Variants in PRCD observed in about 807,000 individuals in gnomAD.
PRCD encodes photoreceptor disc component, also known as photoreceptor disk component PRCD.
A neutral mutation model predicts 10.1 loss-of-function variants in PRCD; 12 were observed. The ratio of observed to expected loss-of-function variants is 1.18; its 90% CI spans 0.76 to 1.92. The LOEUF (loss-of-function observed/expected upper bound fraction) is 1.92. Among genes scored for constraint, PRCD ranks in the 40% most tolerant of loss-of-function variants. PRCD has a pLI of 0.00. For missense variants in PRCD, 61 were observed against 72.2 expected (o/e 0.84, Z 0.56); for synonymous variants, 31 against 26.2 (o/e 1.18, Z -0.56).
intron 1 of PRCD, among the ~76,000 whole-genome samples, chr17:76,552,566 T>A (rs12941765): frequency 0.97 from 148,126 of 151,966 alleles, 72,315 homozygotes; most frequent in Middle Eastern, 1. Flanking sequence ...TCCTGCATTT[T>A]AGAATATGAA....
At chr17:76,552,873 A>T (rs1282078337) in intron 1 of PRCD, 14 of 125,648 alleles carry the variant, frequency 1.1e-4, no homozygotes, top group African/African-American at 4.9e-4. Context: ...TCAAAAAAAA[A>T]AAAAAAAAAT....
rs1297716240 is a variant in PRCD at position 76,531,452 on chromosome 17, G to A, written n.45+3619G>A. 6.2e-7 allele frequency: 1 copy of A among 1,600,758 alleles called. No individual in the cohort carries two copies. Among genetic ancestry groups the A allele is most frequent in the Non-Finnish European group, 8.6e-7 (1 of 1,168,808 alleles). On this transcript the variant is annotated intron_variant and non_coding_transcript_variant, in intron 1 of 4. Coordinates refer to the PRCD transcript ENST00000397633. This position sits in a 1 kb window ranked among gnomAD's most constrained non-coding sequence, Gnocchi z 7.4. ...GGTGGGGGCTCTGCAGCAGATGGGG[G>A]CGCATACCTTGAAGTACACCGGTTC...
At position 76,533,508 on chromosome 17, in the gene PRCD, T is replaced by C. The variant is rs573403461; in HGVS notation, n.45+5675T>C. On this transcript the variant is annotated intron_variant and non_coding_transcript_variant, in intron 1 of 4. Coordinates refer to the PRCD transcript ENST00000397633. This position sits in a 1 kb window ranked among gnomAD's most constrained non-coding sequence, Gnocchi z 4.5. ...ACGAGGCCGAGGCGGGTGGATTGCT[T>C]GAGCTCAGGCATTTGAGACCAGCCT... is the stretch of plus-strand genomic sequence containing the variant. Among the ~76,000 whole-genome samples the C allele has an allele frequency of 3.7e-3, 571 of 152,306 alleles. 4 individuals are homozygous for C. The highest frequency in any genetic ancestry group is 0.024 in the Middle Eastern group (7 of 294).
At chr17:76,537,236 T>G (rs1015234974), upstream of PRCD, among the ~76,000 whole-genome samples, 3 of 152,108 alleles carry the variant, frequency 2.0e-5, no homozygotes, top group Admixed American at 2.0e-4. Flanking sequence ...CCAGGCTTCG[T>G]TCACCCCAAG....
intron 1 of PRCD, among the ~76,000 whole-genome samples, chr17:76,532,469 C>T (rs1307709005): frequency 6.6e-6 from 1 of 151,894 alleles, no homozygotes; most frequent in African/African-American, 2.4e-5. Flanking sequence ...TCCCAAGGCT[C>T]TCACGCACCC....
Position 76,530,827 on chromosome 17 carries a change from C to G in PRCD, n.45+2994C>G. 1 of 785,252 alleles carries G rather than the reference C, an allele frequency of 1.3e-6. No homozygotes were observed. Among genetic ancestry groups the G allele is most frequent in the South Asian group, 2.2e-5 (1 of 45,662 alleles). The allele number at this position is 785,252 out of a possible 1,614,324, so 48.6% of individuals were successfully genotyped here. Reference sequence around the variant, plus strand: ...ATCTTGAAGGCCTTTCCTATTATGCCTGTTCTTACATGTCAGACCCCAGGG... The same window carrying G: ...ATCTTGAAGGCCTTTCCTATTATGCGTGTTCTTACATGTCAGACCCCAGGG... On this transcript the variant is annotated intron_variant and non_coding_transcript_variant, in intron 1 of 4. Coordinates refer to the PRCD transcript ENST00000397633. This position sits in a 1 kb window ranked among gnomAD's most constrained non-coding sequence, Gnocchi z 6.1.
At position 76,531,443 on chromosome 17, in the gene PRCD, C is replaced by T. The variant is rs2074841938; in HGVS notation, n.45+3610C>T. 6.3e-7 allele frequency: 1 copy of T among 1,595,252 alleles called. No homozygotes were observed. The highest frequency in any genetic ancestry group is 1.3e-5 in the African/African-American group (1 of 74,610). On this transcript the variant is annotated intron_variant and non_coding_transcript_variant, in intron 1 of 4. Transcript: ENST00000397633. The surrounding 1 kb of genome is among the most constrained non-coding windows in gnomAD (Gnocchi z 7.4). ...CGCGTGGGCGGTGGGGGCTCTGCAG[C>T]AGATGGGGGCGCATACCTTGAAGTA... is the stretch of plus-strand genomic sequence containing the variant.
In PRCD at chr17:76,544,467, G is replaced by T. The variant is rs2075030854; in HGVS notation, c.*817G>T. 2 of 455,386 alleles carry T rather than the reference G, an allele frequency of 4.4e-6. No homozygotes were observed. Among genetic ancestry groups the T allele is most frequent in the South Asian group, 3.1e-5 (2 of 64,514 alleles). The allele number at this position is 455,386 out of a possible 1,614,324, so 28.2% of individuals were successfully genotyped here. A position where few individuals can be genotyped will look rare whatever the true frequency, so the allele number is the denominator to read the frequency against. On this transcript the variant is annotated 3_prime_UTR_variant, in exon 5 of 5. Transcript: ENST00000592014. ...GGGGAGGGCCTGCTGGTACCTCGGG[G>T]AGCCTGGCTGGGGTGTGTGCGAAGG...
In PRCD at chr17:76,540,483, TC is replaced by T. The variant is rs2074977960; in HGVS notation, c.75-19del. 6.2e-7 allele frequency: 1 copy of T among 1,612,878 alleles called. No individual in the cohort carries two copies. Among genetic ancestry groups the T allele is most frequent in the African/African-American group, 1.3e-5 (1 of 74,968 alleles). On this transcript the variant is annotated intron_variant, in intron 1 of 4. Coordinates refer to ENST00000592014, the MANE Select transcript of PRCD (RefSeq NM_001077620.3). The surrounding 1 kb of genome is among the most constrained non-coding windows in gnomAD (Gnocchi z 5.0). ...GGCTGGGCACAGCCATAGCTCTTCC[TC>T]CCTACTCTTGCCTCCCACAGAGAGC...
chr17:76,528,858 T>G lies in PRCD; in HGVS notation n.45+1025T>G. On this transcript the variant is annotated intron_variant and non_coding_transcript_variant, in intron 1 of 4. Transcript: ENST00000397633. The surrounding 1 kb of genome is among the most constrained non-coding windows in gnomAD (Gnocchi z 5.8). ...CTTTTTCTCTAAAATGTGAATAATGTCTGTCTTGTGACATAAACTGGGTAA... is the reference window on the plus strand; with the variant it reads ...CTTTTTCTCTAAAATGTGAATAATGGCTGTCTTGTGACATAAACTGGGTAA... The G allele has an allele frequency of 8.2e-7, 1 of 1,218,044 alleles. No homozygotes were observed. Among genetic ancestry groups the G allele is most frequent in the Non-Finnish European group, 1.0e-6 (1 of 976,900 alleles). The allele number at this position is 1,218,044 out of a possible 1,614,324, so 75.5% of individuals were successfully genotyped here.
Position 76,528,901 on chromosome 17 carries a change from T to C in PRCD, n.45+1068T>C, listed in dbSNP as rs1335592470. On this transcript the variant is annotated intron_variant and non_coding_transcript_variant, in intron 1 of 4. Transcript: ENST00000397633. This position sits in a 1 kb window ranked among gnomAD's most constrained non-coding sequence, Gnocchi z 5.8. ...CTGGGTAAAAAAGTGTTTCACAAAC[T>C]GCAAAGCACGATACCAATGTGAGCT... The C allele has an allele frequency of 8.3e-7, 1 of 1,199,456 alleles. No individual in the cohort carries two copies. Among genetic ancestry groups the C allele is most frequent in the Non-Finnish European group, 1.0e-6 (1 of 968,008 alleles). 74.3% of individuals were successfully genotyped at this position (1,199,456 alleles called of 1,614,324 possible).
chr17:76,529,032 T>A, intron 1 of PRCD: 2 of 872,008 alleles, frequency 2.3e-6, no homozygotes, highest in Non-Finnish European at 2.7e-6. Context: ...CAGCGCCCCC[T>A]GCAGTCATTG....
At position 76,540,535 on chromosome 17, in the gene PRCD, G is replaced by A. The variant is rs2074978795; in HGVS notation, c.105G>A (p.Arg35=). 6.2e-7 allele frequency: 1 copy of A among 1,613,680 alleles called. No individual in the cohort carries two copies. The highest frequency in any genetic ancestry group is 8.5e-7 in the Non-Finnish European group (1 of 1,179,948). The stretch of plus-strand genomic sequence containing the variant: ...CCAGCGACGTGGATGGGGCAGCTAG[G>A]GGCAGCAGCTTGGATGCGGACCCTC... ...PEPSDVDGAA[R]GSSLDADPQS... is the part of the protein sequence containing the mutation. The change falls in exon 2 of 5, where the codon AGG becomes AGA. Residue 35 remains arginine (R), a synonymous_variant. Coordinates refer to ENST00000592014, the MANE Select transcript of PRCD (RefSeq NM_001077620.3). This position sits in a 1 kb window ranked among gnomAD's most constrained non-coding sequence, Gnocchi z 5.0.
chr17:76,542,934 A>C, intron 3 of PRCD, 95 bp from the exon 4 acceptor site: 1 of 554,568 alleles, frequency 1.8e-6, no homozygotes, highest in Non-Finnish European at 3.6e-6. Flanking sequence ...AGGACGCCCA[A>C]GGGAGAGGCG....
In PRCD at chr17:76,531,871, C is replaced by G. The variant is rs911913575; in HGVS notation, n.45+4038C>G. 9 of 570,012 alleles carry G rather than the reference C, an allele frequency of 1.6e-5. No homozygotes were observed. The South Asian group carries it at 1.8e-4, about 11-fold the overall frequency. 35.3% of individuals were successfully genotyped at this position (570,012 alleles called of 1,614,324 possible). A position where few individuals can be genotyped will look rare whatever the true frequency, so the allele number is the denominator to read the frequency against. On this transcript the variant is annotated intron_variant and non_coding_transcript_variant, in intron 1 of 4. Transcript: ENST00000397633. This position sits in a 1 kb window ranked among gnomAD's most constrained non-coding sequence, Gnocchi z 7.4. ...ACCCTCCTCCCTCTGGCCAAGCCGGCTCACCCCTACCAAGTCTGGCCATGT... is the reference window on the plus strand; with the variant it reads ...ACCCTCCTCCCTCTGGCCAAGCCGGGTCACCCCTACCAAGTCTGGCCATGT...
intron 1 of PRCD, chr17:76,529,998 G>C: frequency 1.0e-6 from 1 of 985,394 alleles, no homozygotes; most frequent in Non-Finnish European, 1.2e-6. Context: ...GCTGCCCTCA[G>C]GGGACCTCCT....
In PRCD at chr17:76,531,869, G is replaced by A. The variant is rs986580548; in HGVS notation, n.45+4036G>A. On this transcript the variant is annotated intron_variant and non_coding_transcript_variant, in intron 1 of 4. Transcript: ENST00000397633. This position sits in a 1 kb window ranked among gnomAD's most constrained non-coding sequence, Gnocchi z 7.4. The stretch of plus-strand genomic sequence containing the variant: ...AGACCCTCCTCCCTCTGGCCAAGCC[G>A]GCTCACCCCTACCAAGTCTGGCCAT... The A allele has an allele frequency of 4.4e-5, 25 of 574,480 alleles. No individual in the cohort carries two copies. Among genetic ancestry groups the A allele is most frequent in the Non-Finnish European group, 6.4e-5 (21 of 326,624 alleles). 35.6% of individuals were successfully genotyped at this position (574,480 alleles called of 1,614,324 possible).
At chr17:76,538,826 A>C (rs572620040), upstream of PRCD, among the ~76,000 whole-genome samples, 7 of 152,314 alleles carry the variant, frequency 4.6e-5, no homozygotes, top group South Asian at 1.4e-3. Context: ...TTGGGAAGAG[A>C]TGTCACTCAG....
upstream of PRCD, chr17:76,538,543 C>A (rs1219009300): frequency 2.2e-6 from 1 of 464,046 alleles, no homozygotes. Flanking sequence ...TCTAGCCCAG[C>A]TGGTGGCGGA....
Sources: allele counts gnomAD v4.1 joint callset (sites outside exome capture counted in the v4.1 genomes callset), GRCh38; gene constraint gnomAD v4.1.1; non-coding constraint Gnocchi (gnomAD v3.1); transcripts MANE v1.5; gene names NCBI Gene and HGNC (gene_info 2026-07-23, HGNC 2026-07-21).